The following DPP10 variants were observed in gnomAD, a reference collection of about 807,000 sequenced individuals.
DPP10 encodes the protein inactive dipeptidyl peptidase 10.
A neutral mutation model predicts 120.9 loss-of-function variants in DPP10; 33 were observed. The ratio of observed to expected loss-of-function variants is 0.27; its 90% CI spans 0.21 to 0.37. DPP10 has a LOEUF of 0.37. DPP10 is among the 10% of genes least tolerant of loss of function. DPP10 has a pLI of 1.00. For missense variants in DPP10, 816 were observed against 942.8 expected, an observed-to-expected ratio of 0.87 and a Z score of 1.76; for synonymous variants, 337 against 326.1, an observed-to-expected ratio of 1.03 and a Z score of -0.36.
chr2:114,852,226 C>T (rs1432389081), intron 1 of DPP10, among the ~76,000 whole-genome samples: 1 of 121,818 alleles, frequency 8.2e-6, no homozygotes, highest in African/African-American at 3.2e-5. Flanking sequence ...ACTATTTACT[C>T]CTACTGAGCC....
At chr2:115,711,471 T>C (rs2092313854) in intron 7 of DPP10, among the ~76,000 whole-genome samples, 1 of 152,274 alleles carries the variant, frequency 6.6e-6, no homozygotes, top group South Asian at 2.1e-4. Flanking sequence ...AGTTTAAGAT[T>C]ACTCTAGCTG....
At chr2:115,600,757 T>C (rs2083273001) in intron 5 of DPP10, among the ~76,000 whole-genome samples, 1 of 152,250 alleles carries the variant, frequency 6.6e-6, no homozygotes, top group Non-Finnish European at 1.5e-5. Flanking sequence ...TGGCAAATTA[T>C]GCAAAATAAA....
At chr2:115,152,963 GTTC>G (rs1163967119) in intron 1 of DPP10, among the ~76,000 whole-genome samples, 2 of 152,290 alleles carry the variant, frequency 1.3e-5, no homozygotes, top group African/African-American at 2.4e-5. Context: ...ATTTGTGTGA[GTTC>G]TTCTTCTCCT....
intron 5 of DPP10, among the ~76,000 whole-genome samples, chr2:115,567,433 A>G (rs2081070349): frequency 6.6e-6 from 1 of 152,012 alleles, no homozygotes; most frequent in East Asian, 1.9e-4. Flanking sequence ...CTTCTCTGTT[A>G]CAGAAACCTT....
At chr2:115,388,101 C>A (rs2067076654) in intron 3 of DPP10, among the ~76,000 whole-genome samples, 1 of 152,136 alleles carries the variant, frequency 6.6e-6, no homozygotes, top group South Asian at 2.1e-4. Context: ...TTATAGGTCA[C>A]ATCACTTTTT....
rs62165208 is a variant in DPP10 at position 114,622,816 on chromosome 2, G to C, written c.60+179978G>C. On this transcript the variant is annotated intron_variant, in intron 1 of 25. Coordinates refer to ENST00000410059, the MANE Select transcript of DPP10 (RefSeq NM_020868.6). ...AGACATCATCAGAGAAAAAGCAAATGTCAAGTGACAGGGACAGAAAGATTT... is the reference window on the plus strand; with the variant it reads ...AGACATCATCAGAGAAAAAGCAAATCTCAAGTGACAGGGACAGAAAGATTT... Among the ~76,000 whole-genome samples, 504 of 152,230 alleles carry C rather than the reference G, an allele frequency of 3.3e-3. 5 individuals are homozygous for C. The highest frequency in any genetic ancestry group is 0.027 in the Admixed American group (411 of 15,254).
At chr2:114,949,867 A>G (rs1334896838) in intron 1 of DPP10, among the ~76,000 whole-genome samples, 2 of 152,018 alleles carry the variant, frequency 1.3e-5, no homozygotes, top group African/African-American at 4.8e-5. Context: ...GCATTCTATA[A>G]TCTTTCCAAG....
At chr2:115,675,677 C>T (rs1486168450) in intron 5 of DPP10, among the ~76,000 whole-genome samples, 2 of 152,140 alleles carry the variant, frequency 1.3e-5, no homozygotes, top group Non-Finnish European at 2.9e-5. Context: ...TATAGTAGAG[C>T]CCCTCAGGCC....
At chr2:115,706,377 T>C (rs544342644) in intron 7 of DPP10, among the ~76,000 whole-genome samples, 1 of 152,108 alleles carries the variant, frequency 6.6e-6, no homozygotes, top group East Asian at 1.9e-4. Flanking sequence ...GCACGTCTTG[T>C]TTCATCCTGC....
intron 13 of DPP10, among the ~76,000 whole-genome samples, chr2:115,768,734 T>C (rs1182382544): frequency 6.6e-6 from 1 of 152,154 alleles, no homozygotes; most frequent in South Asian, 2.1e-4. Flanking sequence ...TCAATGAACA[T>C]ATATATAACC....
At chr2:114,444,151 C>G (rs1046667596) in intron 1 of DPP10, among the ~76,000 whole-genome samples, 1 of 152,068 alleles carries the variant, frequency 6.6e-6, no homozygotes, top group East Asian at 1.9e-4. Flanking sequence ...ATATGAGAAT[C>G]TTTTTCAGCA....
intron 1 of DPP10, among the ~76,000 whole-genome samples, chr2:114,924,555 GA>G (rs907197244): frequency 2.0e-5 from 3 of 150,604 alleles, no homozygotes; most frequent in Admixed American, 6.6e-5. Context: ...GAAAAAGAAG[GA>G]AAAAAAAGCC....
In DPP10 at chr2:115,430,644, G is replaced by A. The variant is rs146415714; in HGVS notation, c.272-68866G>A. Among the ~76,000 whole-genome samples the A allele has an allele frequency of 3.3e-5, 5 of 152,192 alleles. No individual in the cohort carries two copies. The East Asian group carries it at 5.8e-4, about 18-fold the overall frequency. Reference sequence around the variant, plus strand: ...GAAAATATTCCTCCTTTTACAACACGTATAAAGAAACAGCTAAATTGATAA... The same window carrying A: ...GAAAATATTCCTCCTTTTACAACACATATAAAGAAACAGCTAAATTGATAA... On this transcript the variant is annotated intron_variant, in intron 3 of 25. Coordinates refer to ENST00000410059, the MANE Select transcript of DPP10 (RefSeq NM_020868.6).
chr2:115,617,953 T>C (rs1002149444), intron 5 of DPP10, among the ~76,000 whole-genome samples: 16 of 152,216 alleles, frequency 1.1e-4, no homozygotes, highest in African/African-American at 3.1e-4. Flanking sequence ...TCTCTAATTT[T>C]ATTGTACTTT....
intron 1 of DPP10, among the ~76,000 whole-genome samples, chr2:114,728,163 G>C (rs1034265946): frequency 6.6e-6 from 1 of 152,194 alleles, no homozygotes; most frequent in Non-Finnish European, 1.5e-5. Flanking sequence ...TTGGCGAACA[G>C]ACCACTAAGG....
intron 8 of DPP10, among the ~76,000 whole-genome samples, chr2:115,735,214 C>T (rs2093007413): frequency 2.0e-5 from 3 of 152,162 alleles, no homozygotes; most frequent in Admixed American, 2.0e-4. Flanking sequence ...GCTAGTGTCC[C>T]AGGAAAAGAA....
chr2:115,545,890 C>G (rs1558829123), intron 5 of DPP10, among the ~76,000 whole-genome samples: 1 of 152,060 alleles, frequency 6.6e-6, no homozygotes, highest in Non-Finnish European at 1.5e-5. Context: ...ACCCTCTGAC[C>G]TAGGACTTGC....
intron 5 of DPP10, among the ~76,000 whole-genome samples, chr2:115,664,735 C>G (rs1370151049): frequency 6.6e-6 from 1 of 152,114 alleles, no homozygotes; most frequent in African/African-American, 2.4e-5. Flanking sequence ...GATGCAGGAC[C>G]AAGGATGTCA....
intron 1 of DPP10, among the ~76,000 whole-genome samples, chr2:114,728,039 A>G (rs1466956089): frequency 6.6e-6 from 1 of 152,212 alleles, no homozygotes; most frequent in African/African-American, 2.4e-5. Context: ...TAACTGTGTA[A>G]ATAATAATCA....
Sources: allele counts gnomAD v4.1 joint callset (sites outside exome capture counted in the v4.1 genomes callset), GRCh38; gene constraint gnomAD v4.1.1; transcripts MANE v1.5; gene names NCBI Gene and HGNC (gene_info 2026-07-23, HGNC 2026-07-21).